Variants in EPB41L1 observed in about 807,000 individuals in gnomAD.
The protein encoded by EPB41L1 is band 4.1-like protein 1.
In EPB41L1, 29 loss-of-function variants were observed where a neutral mutation model predicts 97.8. That is an observed-to-expected ratio of 0.30 (90% CI 0.22 to 0.40). EPB41L1 has a LOEUF of 0.40. EPB41L1 is among the 10% of genes least tolerant of loss of function. The probability of loss-of-function intolerance (pLI) is 1.00; values close to 1 mark genes in which losing one functional copy is unlikely to be tolerated. For missense variants in EPB41L1, 812 were observed against 1,162.3 expected, an observed-to-expected ratio of 0.70 and a Z score of 4.38; for synonymous variants, 383 against 459.2, an observed-to-expected ratio of 0.83 and a Z score of 2.12.
intron 13 of EPB41L1, among the ~76,000 whole-genome samples, chr20:36,196,347 T>C (rs1386780796): frequency 6.6e-6 from 1 of 152,216 alleles, no homozygotes; most frequent in Non-Finnish European, 1.5e-5. Context: ...CCCTACAGCC[T>C]TCAGGGACAT....
In EPB41L1 at chr20:36,092,456, C is replaced by T. The variant is rs1466796945; in HGVS notation, c.-65+844C>T. Among the ~76,000 whole-genome samples, 6 of 152,010 alleles carry T rather than the reference C, an allele frequency of 3.9e-5. No individual in the cohort carries two copies. Among genetic ancestry groups the T allele is most frequent in the Non-Finnish European group, 7.4e-5 (5 of 67,966 alleles). ...GGGCTCAGCCCCTTCCTCTGCTCCC[C>T]TCCCCGGGACCGGCGCGCGGCCCCA... On this transcript the variant is annotated intron_variant, in intron 1 of 19. Coordinates refer to the EPB41L1 transcript ENST00000202028. This position sits in a 1 kb window ranked among gnomAD's most constrained non-coding sequence, Gnocchi z 7.0.
At position 36,195,512 on chromosome 20, in the gene EPB41L1, C is replaced by T. The variant is rs1320091315; in HGVS notation, c.1485+148C>T. On this transcript the variant is annotated intron_variant, in intron 13 of 21. Transcript: ENST00000338074. This position sits in a 1 kb window ranked among gnomAD's most constrained non-coding sequence, Gnocchi z 4.6. ...CTCCCCAGCCATCCCCCTCTGCAGC[C>T]GTCCTTGCTCCCCACTCCGCCACCC... 6 of 948,216 alleles carry T rather than the reference C, an allele frequency of 6.3e-6. No homozygotes were observed. The highest frequency in any genetic ancestry group is 2.8e-5 in the South Asian group (2 of 72,490). The allele number at this position is 948,216 out of a possible 1,614,324, so 58.7% of individuals were successfully genotyped here. A position where few individuals can be genotyped will look rare whatever the true frequency, so the allele number is the denominator to read the frequency against.
At position 36,194,291 on chromosome 20, in the gene EPB41L1, G is replaced by T. The variant is rs768957896; in HGVS notation, c.1380G>T (p.Glu460Asp). ...PDGDKRDEDG[E>D]SGGQRSEAEE... Reference sequence around the variant, plus strand: ...GTGACAAGCGGGATGAGGATGGCGAGTCTGGGGGGCAACGGTCAGAGGCTG... The same window carrying T: ...GTGACAAGCGGGATGAGGATGGCGATTCTGGGGGGCAACGGTCAGAGGCTG... Residue 460 changes from glutamate (E) to aspartate (D), a missense_variant, in exon 12 of 22, where the codon GAG (glutamate) becomes GAT (aspartate). By Grantham distance (45) the Glu-to-Asp change is conservative. Transcript: ENST00000338074. The T allele has an allele frequency of 6.2e-7, 1 of 1,614,222 alleles. No homozygotes were observed. Among genetic ancestry groups the T allele is most frequent in the Non-Finnish European group, 8.5e-7 (1 of 1,180,028 alleles).
chr20:36,130,878 C>T (rs532508041), intron 2 of EPB41L1, among the ~76,000 whole-genome samples: 39 of 150,920 alleles, frequency 2.6e-4, no homozygotes, highest in South Asian at 1.9e-3. Flanking sequence ...GGCATGATCT[C>T]GGCTCACTGT....
intron 1 of EPB41L1, among the ~76,000 whole-genome samples, chr20:36,168,441 C>T (rs2060829598): frequency 6.6e-6 from 1 of 152,128 alleles, no homozygotes. Context: ...AAGTCCCGTT[C>T]TCAGGCCCCT....
At chr20:36,174,669 G>A (rs1223780583) in intron 2 of EPB41L1, among the ~76,000 whole-genome samples, 1 of 151,496 alleles carries the variant, frequency 6.6e-6, no homozygotes, top group East Asian at 1.9e-4. Context: ...TCCCACCTTG[G>A]CCTCCCAAAG....
intron 2 of EPB41L1, among the ~76,000 whole-genome samples, chr20:36,126,618 G>A (rs544478542): frequency 1.8e-4 from 27 of 152,182 alleles, no homozygotes; most frequent in South Asian, 4.1e-4. Flanking sequence ...CGCCCGCCTC[G>A]GCCTCCCAAA....
chr20:36,200,976 AGGT>A (rs1021124255), intron 14 of EPB41L1: 1 of 456,894 alleles, frequency 2.2e-6, no homozygotes, highest in African/African-American at 2.0e-5. Context: ...GCATCTCCTG[AGGT>A]TACTGTCTTC....
chr20:36,229,292 CT>C, intron 21 of EPB41L1, 39 bp from the exon 22 acceptor site: 1 of 1,505,532 alleles, frequency 6.6e-7, no homozygotes, highest in Non-Finnish European at 9.2e-7. Flanking sequence ...TTTCCCCCCA[CT>C]CCCCACCCCC....
intron 9 of EPB41L1, 126 bp downstream of exon 9, chr20:36,188,625 CACACACACACACACACAG>C (rs1217023194): frequency 2.1e-4 from 147 of 687,514 alleles, no homozygotes; most frequent in African/African-American, 2.0e-3. Context: ...CACACACACA[CACACACACACACACACAG>C]AGAGAGAGAG....
chr20:36,137,853 A>G (rs2059478905), intron 2 of EPB41L1, among the ~76,000 whole-genome samples: 1 of 152,180 alleles, frequency 6.6e-6, no homozygotes, highest in African/African-American at 2.4e-5. Flanking sequence ...AAGTGAAACT[A>G]TATCCATTAA....
chr20:36,205,562 T>C (rs978938838), intron 14 of EPB41L1, among the ~76,000 whole-genome samples: 6 of 152,158 alleles, frequency 3.9e-5, no homozygotes, highest in Non-Finnish European at 8.8e-5. Context: ...CATTTCCCCA[T>C]GGCTGACATG....
intron 14 of EPB41L1, among the ~76,000 whole-genome samples, chr20:36,200,022 G>A (rs2062415508): frequency 6.6e-6 from 1 of 152,196 alleles, no homozygotes; most frequent in African/African-American, 2.4e-5. Context: ...GTCCACTGCT[G>A]GAAAGAACTA....
At chr20:36,186,953 C>A (rs1015109422) in intron 7 of EPB41L1, among the ~76,000 whole-genome samples, 1 of 152,222 alleles carries the variant, frequency 6.6e-6, no homozygotes, top group Non-Finnish European at 1.5e-5. Context: ...TCTGACTCTT[C>A]TTCATAGCAG....
Position 36,206,938 on chromosome 20 carries a change from A to G in EPB41L1, c.1669-2550A>G. ...CCAGGCCTGCGCCCTTCCTCGGGCC[A>G]TCCCTCTGAATGTCAGGAAGCCAGT... On this transcript the variant is annotated intron_variant, in intron 14 of 21. Transcript: ENST00000338074. This position sits in a 1 kb window ranked among gnomAD's most constrained non-coding sequence, Gnocchi z 5.5. The G allele has an allele frequency of 7.8e-7, 1 of 1,289,906 alleles. No individual in the cohort carries two copies. The highest frequency in any genetic ancestry group is 1.2e-5 in the South Asian group (1 of 81,026). 79.9% of individuals were successfully genotyped at this position (1,289,906 alleles called of 1,614,324 possible).
chr20:36,216,707 C>T (rs1303541758), intron 17 of EPB41L1, among the ~76,000 whole-genome samples: 1 of 152,158 alleles, frequency 6.6e-6, no homozygotes, highest in Admixed American at 6.5e-5. Flanking sequence ...AAGAAGGGAA[C>T]ATCCCGGGGC....
chr20:36,149,526 G>T (rs991641236), intron 2 of EPB41L1, among the ~76,000 whole-genome samples: 3 of 152,196 alleles, frequency 2.0e-5, no homozygotes, highest in Non-Finnish European at 2.9e-5. Context: ...CTGGAGGGGG[G>T]AGGTCCCTGC....
chr20:36,218,389 CT>C (rs2063567429), intron 17 of EPB41L1, among the ~76,000 whole-genome samples: 1 of 152,186 alleles, frequency 6.6e-6, no homozygotes, highest in African/African-American at 2.4e-5. Flanking sequence ...GCTTATGCCC[CT>C]ATATTTATCC....
chr20:36,203,752 T>C (rs1490988554), intron 14 of EPB41L1, among the ~76,000 whole-genome samples: 1 of 152,174 alleles, frequency 6.6e-6, no homozygotes, highest in Non-Finnish European at 1.5e-5. Context: ...CACCCCAGAC[T>C]TTACCTAGAC....
Sources: gnomAD v4.1 joint callset for allele counts (sites outside exome capture counted in the v4.1 genomes callset) on GRCh38, gnomAD v4.1.1 for gene constraint, Gnocchi (gnomAD v3.1) non-coding constraint, MANE v1.5 for transcripts, NCBI Gene and HGNC (gene_info 2026-07-23, HGNC 2026-07-21) for gene names.